LUZP2: variants seen among roughly 807,000 people sequenced by gnomAD.
LUZP2 encodes leucine zipper protein 2.
A neutral mutation model predicts 51.6 loss-of-function variants in LUZP2; 52 were observed. The ratio of observed to expected loss-of-function variants is 1.01; its 90% CI spans 0.81 to 1.27. The LOEUF (loss-of-function observed/expected upper bound fraction) is 1.27. Among genes scored for constraint, LUZP2 ranks in the 50% most tolerant of loss-of-function variants. The pLI is 0.00. For missense variants in LUZP2, 436 were observed against 395.4 expected (o/e 1.10, Z -0.87); for synonymous variants, 154 against 137.3 (o/e 1.12, Z -0.85).
chr11:24,640,135 G>A (rs930328352), intron 1 of LUZP2, among the ~76,000 whole-genome samples: 1 of 151,532 alleles, frequency 6.6e-6, no homozygotes, highest in Non-Finnish European at 1.5e-5. Context: ...AAGTCCTTGA[G>A]AAAAACAACT....
In LUZP2 at chr11:24,527,559, T is replaced by A. The variant is rs1240230769; in HGVS notation, c.62+30254T>A. On this transcript the variant is annotated intron_variant, in intron 1 of 11. Coordinates refer to ENST00000336930, the MANE Select transcript of LUZP2 (RefSeq NM_001009909.4). ...GTATTGTTAAATAAGAATCTCTCTC[T>A]CTCTCTCTCACACACACACACACAC... Among the ~76,000 whole-genome samples, 614 of 119,908 alleles carry A rather than the reference T, an allele frequency of 5.1e-3. 10 individuals carry two copies. Among genetic ancestry groups the A allele is most frequent in the Admixed American group, 0.047 (560 of 12,028 alleles). The allele number at this position is 119,908 out of a possible 152,430, so 78.7% of individuals were successfully genotyped here. A position where few individuals can be genotyped will look rare whatever the true frequency, so the allele number is the denominator to read the frequency against.
At chr11:24,826,232 A>C (rs1298548751) in intron 5 of LUZP2, among the ~76,000 whole-genome samples, 1 of 145,258 alleles carries the variant, frequency 6.9e-6, no homozygotes, top group Non-Finnish European at 1.5e-5. Flanking sequence ...TTCAGGGAAC[A>C]GTTTAGGACG....
chr11:24,509,016 C>G (rs1311858443), intron 1 of LUZP2, among the ~76,000 whole-genome samples: 4 of 152,092 alleles, frequency 2.6e-5, no homozygotes, highest in Non-Finnish European at 5.9e-5. Flanking sequence ...AACTCAGAAA[C>G]TAAGGAGCTG....
At position 24,890,223 on chromosome 11, in the gene LUZP2, G is replaced by A. The variant is rs185433473; in HGVS notation, c.397-15768G>A. Reference sequence around the variant, plus strand: ...CATATACTCAGGGAGAAAAGATACAGAGTCTCAAATTCTGTTAATACAGAG... The same window carrying A: ...CATATACTCAGGGAGAAAAGATACAAAGTCTCAAATTCTGTTAATACAGAG... On this transcript the variant is annotated intron_variant, in intron 5 of 11. Coordinates refer to ENST00000336930, the MANE Select transcript of LUZP2 (RefSeq NM_001009909.4). Among the ~76,000 whole-genome samples, 262 of 152,236 alleles carry A rather than the reference G, an allele frequency of 1.7e-3. 2 individuals carry two copies. The highest frequency in any genetic ancestry group is 6.0e-3 in the African/African-American group (249 of 41,538).
intron 1 of LUZP2, among the ~76,000 whole-genome samples, chr11:24,645,136 A>C (rs1469083919): frequency 6.6e-6 from 1 of 152,194 alleles, no homozygotes; most frequent in Non-Finnish European, 1.5e-5. Flanking sequence ...GACTTGAATT[A>C]TCAGTTTACT....
intron 7 of LUZP2, among the ~76,000 whole-genome samples, chr11:24,923,126 G>A (rs1854122829): frequency 6.6e-6 from 1 of 151,852 alleles, no homozygotes. Context: ...GGGATGACCG[G>A]CGTGAGCCAC....
intron 1 of LUZP2, among the ~76,000 whole-genome samples, chr11:24,632,764 T>TAA (rs1294649644): frequency 6.6e-6 from 1 of 151,888 alleles, no homozygotes; most frequent in Non-Finnish European, 1.5e-5. Context: ...TTCCAACATA[T>TAA]AAGGAAATGC....
chr11:24,531,960 A>T (rs905261005), intron 1 of LUZP2, among the ~76,000 whole-genome samples: 30 of 150,902 alleles, frequency 2.0e-4, no homozygotes, highest in African/African-American at 5.8e-4. Flanking sequence ...CTTAATTCCA[A>T]CTGCTACCAC....
At position 24,809,390 on chromosome 11, in the gene LUZP2, T is replaced by G. The variant is rs562276609; in HGVS notation, c.396+46082T>G. ...ATCATTGAGTTAGTTTCCTTTTTAC[T>G]GCACACTCTTTCAGCATGCCATTCT... On this transcript the variant is annotated intron_variant, in intron 5 of 11. Transcript: ENST00000336930. 7.9e-5 allele frequency among the ~76,000 whole-genome samples: 12 copies of G among 152,148 alleles called. No homozygotes were observed. In the East Asian group the frequency reaches 2.3e-3, roughly 30 times the overall value.
At chr11:24,946,203 C>T (rs1590760306) in intron 7 of LUZP2, among the ~76,000 whole-genome samples, 2 of 151,838 alleles carry the variant, frequency 1.3e-5, no homozygotes, top group Admixed American at 6.6e-5. Context: ...CTTGTTCATC[C>T]GTTTGTTAGA....
chr11:25,077,659 C>CTG (rs1859352216), intron 11 of LUZP2, among the ~76,000 whole-genome samples: 1 of 151,616 alleles, frequency 6.6e-6, no homozygotes, highest in African/African-American at 2.4e-5. Context: ...ACCACCACGC[C>CTG]CAAATTTTTT....
chr11:24,795,644 C>A (rs538167406), intron 5 of LUZP2, among the ~76,000 whole-genome samples: 3 of 152,110 alleles, frequency 2.0e-5, no homozygotes, highest in African/African-American at 7.2e-5. Flanking sequence ...TTACCAGGTT[C>A]TCCTCTGTTG....
At chr11:25,066,047 C>T (rs1360051904) in intron 10 of LUZP2, among the ~76,000 whole-genome samples, 1 of 151,742 alleles carries the variant, frequency 6.6e-6, no homozygotes. Flanking sequence ...CTTTTTTATA[C>T]TAACCATAAA....
chr11:24,894,468 C>T (rs58284394), intron 5 of LUZP2, among the ~76,000 whole-genome samples: 6,308 of 152,126 alleles, frequency 0.041, 428 homozygotes, highest in African/African-American at 0.14. Context: ...AGCCACCGTG[C>T]CCGGCCAGAT....
chr11:24,618,239 G>C (rs1409322374), intron 1 of LUZP2, among the ~76,000 whole-genome samples: 1 of 152,170 alleles, frequency 6.6e-6, no homozygotes, highest in South Asian at 2.1e-4. Flanking sequence ...TAGGAAAAAT[G>C]TTTCATTACT....
At chr11:24,715,162 T>C (rs1220565364) in intron 1 of LUZP2, among the ~76,000 whole-genome samples, 3 of 128,846 alleles carry the variant, frequency 2.3e-5, no homozygotes, top group South Asian at 2.3e-4. Flanking sequence ...AAGTAAATGT[T>C]TGAAAAAAAG....
intron 5 of LUZP2, among the ~76,000 whole-genome samples, chr11:24,870,490 GACAC>G (rs202205920): frequency 1.2e-4 from 18 of 145,632 alleles, no homozygotes; most frequent in African/African-American, 4.6e-4. Context: ...CACACACACA[GACAC>G]ACACACACAC....
At chr11:24,806,011 G>C (rs1849846803) in intron 5 of LUZP2, among the ~76,000 whole-genome samples, 1 of 152,206 alleles carries the variant, frequency 6.6e-6, no homozygotes, top group African/African-American at 2.4e-5. Flanking sequence ...GTAGGAGCTA[G>C]ATGTTGGCCT....
intron 5 of LUZP2, among the ~76,000 whole-genome samples, chr11:24,900,519 C>A (rs1166954840): frequency 6.6e-6 from 1 of 152,152 alleles, no homozygotes; most frequent in Admixed American, 6.5e-5. Flanking sequence ...TTCTGCATTG[C>A]ATTCTTAAAT....
Sources: gnomAD v4.1 joint callset for allele counts (sites outside exome capture counted in the v4.1 genomes callset) on GRCh38, gnomAD v4.1.1 for gene constraint, MANE v1.5 for transcripts, NCBI Gene and HGNC (gene_info 2026-07-23, HGNC 2026-07-21) for gene names.